Variants in UMAD1 observed in about 807,000 individuals in gnomAD.
UMAD1 encodes the protein UBAP1-MVB12-associated (UMA) domain containing 1.
In UMAD1, 8 loss-of-function variants were observed where a neutral mutation model predicts 6.1. The observed-to-expected ratio is 1.30, with a 90% CI of 0.76 to 2.35. The LOEUF is 2.35. UMAD1 is among the 30% of genes most tolerant of loss of function. UMAD1 has a pLI of 0.00. For synonymous variants in UMAD1, 56 were observed against 31.4 expected, an observed-to-expected ratio of 1.78 and a Z score of -2.61; for missense variants, 130 against 78.4, an observed-to-expected ratio of 1.66 and a Z score of -2.49.
At chr7:7,648,739 G>A (rs554937661) in intron 1 of UMAD1, among the ~76,000 whole-genome samples, 1 of 152,138 alleles carries the variant, frequency 6.6e-6, no homozygotes, top group South Asian at 2.1e-4. Context: ...TGTGGTCCTA[G>A]CTACTTGGGA....
At chr7:7,778,091 T>A (rs947290286) in intron 2 of UMAD1, among the ~76,000 whole-genome samples, 2 of 152,214 alleles carry the variant, frequency 1.3e-5, no homozygotes, top group Non-Finnish European at 2.9e-5. Context: ...GCAACTTTAA[T>A]ATTATGACAT....
At chr7:7,761,056 T>G (rs17137412) in intron 2 of UMAD1, among the ~76,000 whole-genome samples, 24,429 of 151,970 alleles carry the variant, frequency 0.16, 2,520 homozygotes, top group African/African-American at 0.29. Context: ...GCTTAGTGCA[T>G]TTTGTGAATT....
At chr7:7,823,772 C>A (rs1257340571) in intron 3 of UMAD1, among the ~76,000 whole-genome samples, 1 of 152,076 alleles carries the variant, frequency 6.6e-6, no homozygotes, top group Non-Finnish European at 1.5e-5. Flanking sequence ...TATGAGAAAT[C>A]TAATGCATCC....
intron 2 of UMAD1, among the ~76,000 whole-genome samples, chr7:7,681,725 G>A (rs1180179283): frequency 6.6e-6 from 1 of 152,074 alleles, no homozygotes; most frequent in Non-Finnish European, 1.5e-5. Flanking sequence ...AATCCAGCAA[G>A]CATGGCACTA....
chr7:7,767,793 C>T (rs992786937), intron 2 of UMAD1, among the ~76,000 whole-genome samples: 1 of 152,110 alleles, frequency 6.6e-6, no homozygotes, highest in Non-Finnish European at 1.5e-5. Context: ...GCAACTTGCC[C>T]GAGGTTACAA....
chr7:7,834,195 T>C (rs963305673), intron 3 of UMAD1, among the ~76,000 whole-genome samples: 1 of 151,878 alleles, frequency 6.6e-6, no homozygotes, highest in African/African-American at 2.4e-5. Flanking sequence ...ATAAATTTTG[T>C]ATTTTTTATT....
At chr7:7,662,755 A>T (rs1583706569) in intron 1 of UMAD1, among the ~76,000 whole-genome samples, 1 of 152,314 alleles carries the variant, frequency 6.6e-6, no homozygotes, top group East Asian at 1.9e-4. Flanking sequence ...AGCTGTTGCT[A>T]TTCGGCCATC....
At chr7:7,667,956 C>T (rs766708690) in intron 1 of UMAD1, among the ~76,000 whole-genome samples, 3 of 152,142 alleles carry the variant, frequency 2.0e-5, no homozygotes, top group Non-Finnish European at 4.4e-5. Context: ...AACACAGGGT[C>T]TTGCTCTGTC....
chr7:7,661,228 C>T (rs780180794), intron 1 of UMAD1, among the ~76,000 whole-genome samples: 1 of 151,768 alleles, frequency 6.6e-6, no homozygotes, highest in African/African-American at 2.4e-5. Context: ...CCTTTTTTTC[C>T]AAGGTTCTTA....
chr7:7,681,179 C>A (rs892824710), intron 2 of UMAD1, among the ~76,000 whole-genome samples: 7 of 152,044 alleles, frequency 4.6e-5, no homozygotes, highest in African/African-American at 2.4e-5. Context: ...CCTTTATAAC[C>A]CATTTCTAGA....
intron 3 of UMAD1, among the ~76,000 whole-genome samples, chr7:7,828,774 A>G (rs1247356172): frequency 1.3e-5 from 2 of 152,024 alleles, no homozygotes; most frequent in Non-Finnish European, 2.9e-5. Context: ...ATGCTTGTAC[A>G]ACCAGTGGTA....
chr7:7,700,751 G>A lies in UMAD1; in HGVS notation c.82+27298G>A, dbSNP rs111763126. On this transcript the variant is annotated intron_variant, in intron 2 of 3. Transcript: ENST00000682710. ...AAAAATATAAAAATTAGCCAGGCAT[G>A]GTGGTGGGTGCCTGTAATCAAAGCT... is the stretch of plus-strand genomic sequence containing the variant. Among the ~76,000 whole-genome samples, 8 of 152,276 alleles carry A rather than the reference G, an allele frequency of 5.3e-5. 1 individual carries two copies. Among genetic ancestry groups the A allele is most frequent in the African/African-American group, 1.9e-4 (8 of 41,558 alleles).
intron 2 of UMAD1, among the ~76,000 whole-genome samples, chr7:7,797,570 G>A (rs1471284415): frequency 6.6e-6 from 1 of 152,056 alleles, no homozygotes; most frequent in Non-Finnish European, 1.5e-5. Flanking sequence ...TTTATACATA[G>A]TGCTCACTCT....
chr7:7,687,412 T>A (rs1451354655), intron 2 of UMAD1: 1 of 152,282 alleles, frequency 6.6e-6, no homozygotes, highest in African/African-American at 2.4e-5. Context: ...GGAGAATGAT[T>A]CTGAGGTAGC....
intron 3 of UMAD1, among the ~76,000 whole-genome samples, chr7:7,866,476 C>T (rs73676917): frequency 0.014 from 2,202 of 152,148 alleles, 49 homozygotes; most frequent in African/African-American, 0.049. Flanking sequence ...CCTGGAAGGG[C>T]AAATTGAAAT....
chr7:7,866,894 C>A (rs2159830), intron 3 of UMAD1, among the ~76,000 whole-genome samples: 29,113 of 151,962 alleles, frequency 0.19, 3,036 homozygotes, highest in East Asian at 0.23. Flanking sequence ...TGCAGCATTC[C>A]AGGAAGAAGA....
chr7:7,782,008 C>G (rs1782355306), intron 2 of UMAD1, among the ~76,000 whole-genome samples: 1 of 152,058 alleles, frequency 6.6e-6, no homozygotes, highest in Non-Finnish European at 1.5e-5. Flanking sequence ...AAACATAAAA[C>G]TAATGAAGTT....
At chr7:7,746,225 G>T (rs1262637773) in intron 2 of UMAD1, among the ~76,000 whole-genome samples, 1 of 152,178 alleles carries the variant, frequency 6.6e-6, no homozygotes, top group Non-Finnish European at 1.5e-5. Context: ...CATGGTAAAA[G>T]CACAGTGTAC....
In UMAD1 at chr7:7,686,804, C is replaced by T. The variant is rs538741095; in HGVS notation, c.82+13351C>T. 1.3e-4 allele frequency among the ~76,000 whole-genome samples: 20 copies of T among 152,278 alleles called. No homozygotes were observed. In the South Asian group the frequency reaches 3.7e-3, roughly 28 times the overall value. On this transcript the variant is annotated intron_variant, in intron 2 of 3. Transcript: ENST00000682710. ...GTGAAGATTATGATGAAGTTTCTGG[C>T]CAATGGGATATAAGAAGAAATGTTG...
Sources: allele counts gnomAD v4.1 joint callset (sites outside exome capture counted in the v4.1 genomes callset), GRCh38; gene constraint gnomAD v4.1.1; transcripts MANE v1.5; gene names NCBI Gene and HGNC (gene_info 2026-07-23, HGNC 2026-07-21).